LCLAT1: variants seen among roughly 807,000 people sequenced by gnomAD.
LCLAT1 encodes lysocardiolipin acyltransferase 1, also known as 1-AGP acyltransferase 8.
In LCLAT1, 11 loss-of-function variants were observed where a neutral mutation model predicts 30.7. The ratio of observed to expected loss-of-function variants is 0.36; its 90% CI spans 0.23 to 0.59. The LOEUF (loss-of-function observed/expected upper bound fraction) is 0.59. Ranked by LOEUF, LCLAT1 falls within the 20% of genes least tolerant of loss-of-function variation. The pLI, the probability that LCLAT1 is intolerant of heterozygous loss-of-function variation, is 0.77. For synonymous variants in LCLAT1, 155 were observed against 151.3 expected (o/e 1.02, Z -0.18); for missense variants, 402 against 458.6 (o/e 0.88, Z 1.13).
chr2:30,598,283 G>T, intron 5 of LCLAT1, among the ~76,000 whole-genome samples: 1 of 151,920 alleles, frequency 6.6e-6, no homozygotes, highest in Non-Finnish European at 1.5e-5. Flanking sequence ...GGCTTTTTTT[G>T]GTTGGTAGGT....
rs928211185 is a variant in LCLAT1 at position 30,484,125 on chromosome 2, C to T, written c.-5+36742C>T. Reference sequence around the variant, plus strand: ...ACCCATGTTTACATCTGATTTTGGACCAAATATAGATGGCCCTGCTTGCTG... The same window carrying T: ...ACCCATGTTTACATCTGATTTTGGATCAAATATAGATGGCCCTGCTTGCTG... On this transcript the variant is annotated intron_variant, in intron 1 of 5. Coordinates refer to ENST00000379509, the MANE Select transcript of LCLAT1 (RefSeq NM_001002257.3). Among the ~76,000 whole-genome samples the T allele has an allele frequency of 3.3e-5, 5 of 152,100 alleles. 1 individual carries two copies. The highest frequency in any genetic ancestry group is 7.4e-5 in the Non-Finnish European group (5 of 68,024).
chr2:30,575,365 A>G (rs1162905816), intron 5 of LCLAT1, among the ~76,000 whole-genome samples: 1 of 152,104 alleles, frequency 6.6e-6, no homozygotes, highest in African/African-American at 2.4e-5. Context: ...CAGGAATATT[A>G]TAGGTACTCA....
At chr2:30,566,005 C>T (rs1665467796) in intron 4 of LCLAT1, among the ~76,000 whole-genome samples, 1 of 152,020 alleles carries the variant, frequency 6.6e-6, no homozygotes, top group South Asian at 2.1e-4. Context: ...GCTAGTAGTC[C>T]CATGGGCGGA....
intron 5 of LCLAT1, among the ~76,000 whole-genome samples, chr2:30,633,901 TTTCCA>T (rs1269727989): frequency 1.3e-5 from 2 of 152,198 alleles, no homozygotes; most frequent in African/African-American, 4.8e-5. Flanking sequence ...CAAAAGCCTC[TTTCCA>T]TTCTTTTGTT....
chr2:30,584,802 C>G (rs1426393732), intron 5 of LCLAT1, among the ~76,000 whole-genome samples: 1 of 152,122 alleles, frequency 6.6e-6, no homozygotes, highest in Non-Finnish European at 1.5e-5. Context: ...GTTTTATGTT[C>G]TTCAGTGATG....
intron 1 of LCLAT1, among the ~76,000 whole-genome samples, chr2:30,465,918 T>C (rs10208587): frequency 0.12 from 18,252 of 152,136 alleles, 1,285 homozygotes; most frequent in South Asian, 0.23. Flanking sequence ...TTCCCCAAAT[T>C]TTATTTTTTT....
chr2:30,489,095 C>G (rs975641275), intron 1 of LCLAT1: 1 of 152,134 alleles, frequency 6.6e-6, no homozygotes, highest in African/African-American at 2.4e-5. Flanking sequence ...AGATCTAGCC[C>G]TAGATCTGCT....
intron 5 of LCLAT1, among the ~76,000 whole-genome samples, chr2:30,580,851 A>G (rs116116962): frequency 0.011 from 1,630 of 152,246 alleles, 15 homozygotes; most frequent in Middle Eastern, 0.02. Flanking sequence ...TAGTATTCTA[A>G]GAGAGTTTAT....
chr2:30,477,016 C>G (rs1572498196), intron 1 of LCLAT1, among the ~76,000 whole-genome samples: 1 of 152,200 alleles, frequency 6.6e-6, no homozygotes. Flanking sequence ...ATTTTACTTA[C>G]TCTAAAGACT....
At chr2:30,542,316 CTTAACT>C (rs1338168704) in intron 3 of LCLAT1, among the ~76,000 whole-genome samples, 1 of 152,098 alleles carries the variant, frequency 6.6e-6, no homozygotes, top group East Asian at 1.9e-4. Flanking sequence ...GGTCTTACTT[CTTAACT>C]TTATGTGTGA....
At chr2:30,520,777 AC>A (rs1160767724) in intron 1 of LCLAT1, among the ~76,000 whole-genome samples, 2 of 152,236 alleles carry the variant, frequency 1.3e-5, no homozygotes, top group African/African-American at 4.8e-5. Context: ...ATTTTTATAT[AC>A]ATAGCATAAT....
intron 5 of LCLAT1, among the ~76,000 whole-genome samples, chr2:30,619,004 T>A (rs910119092): frequency 3.3e-5 from 5 of 152,192 alleles, no homozygotes; most frequent in Admixed American, 1.3e-4. Flanking sequence ...ACAAGTGCTA[T>A]AGTAGAGCTA....
chr2:30,477,376 A>G (rs775053062), intron 1 of LCLAT1, among the ~76,000 whole-genome samples: 2 of 152,202 alleles, frequency 1.3e-5, no homozygotes, highest in Admixed American at 6.5e-5. Context: ...TATGGAATAC[A>G]TCTTCGGTCT....
intron 5 of LCLAT1, among the ~76,000 whole-genome samples, chr2:30,612,426 G>A (rs984188965): frequency 4.6e-5 from 7 of 152,104 alleles, no homozygotes; most frequent in East Asian, 1.9e-4. Context: ...TGTCCTTGTG[G>A]CGCCCTGTGC....
intron 1 of LCLAT1, among the ~76,000 whole-genome samples, chr2:30,451,965 A>G (rs1388408565): frequency 2.6e-5 from 4 of 152,386 alleles, no homozygotes; most frequent in East Asian, 3.8e-4. Flanking sequence ...TCTTACAGAC[A>G]TAAGTCAGAC....
At chr2:30,573,394 A>G (rs2148457018) in intron 5 of LCLAT1, among the ~76,000 whole-genome samples, 1 of 152,242 alleles carries the variant, frequency 6.6e-6, no homozygotes, top group East Asian at 1.9e-4. Context: ...GCCTTTTTCT[A>G]AATGAGGGTG....
At chr2:30,513,268 A>G (rs1353034212) in intron 1 of LCLAT1, among the ~76,000 whole-genome samples, 1 of 151,782 alleles carries the variant, frequency 6.6e-6, no homozygotes, top group Non-Finnish European at 1.5e-5. Context: ...ATATAAATAT[A>G]CTGTTTGCTA....
intron 1 of LCLAT1, among the ~76,000 whole-genome samples, chr2:30,475,208 A>G (rs141919252): frequency 1.3e-3 from 191 of 152,042 alleles, no homozygotes; most frequent in African/African-American, 4.4e-3. Context: ...TGTGTTGCCC[A>G]GGCTGGTCTA....
intron 1 of LCLAT1, among the ~76,000 whole-genome samples, chr2:30,457,283 A>C (rs1234517232): frequency 6.6e-6 from 1 of 152,186 alleles, no homozygotes; most frequent in Admixed American, 6.5e-5. Context: ...ATCCTTATCT[A>C]AAAGAAAAAA....
Sources: gnomAD v4.1 joint callset for allele counts (sites outside exome capture counted in the v4.1 genomes callset) on GRCh38, gnomAD v4.1.1 for gene constraint, MANE v1.5 for transcripts, NCBI Gene and HGNC (gene_info 2026-07-23, HGNC 2026-07-21) for gene names.